Variants in STX6 observed in about 807,000 individuals in gnomAD.
The protein encoded by STX6 is syntaxin-6.
In STX6, 23 loss-of-function variants were observed where a neutral mutation model predicts 38.0. The observed-to-expected ratio is 0.60, with a 90% CI of 0.43 to 0.86. The LOEUF (loss-of-function observed/expected upper bound fraction) is 0.86. Ranked by LOEUF, STX6 falls within the 40% of genes least tolerant of loss-of-function variation. The probability of loss-of-function intolerance (pLI) is 0.00; values close to 1 mark genes in which losing one functional copy is unlikely to be tolerated. For synonymous variants in STX6, 123 were observed against 107.5 expected (o/e 1.14, Z -0.89); for missense variants, 274 against 312.9 (o/e 0.88, Z 0.94).
At position 181,002,685 on chromosome 1, in the gene STX6, T is replaced by C. The variant is rs771609254; in HGVS notation, c.221A>G (p.Asn74Ser). The change falls in exon 3 of 8, where the codon AAT (asparagine) becomes AGT (serine). Residue 74 changes from asparagine to serine, a missense_variant. Coordinates refer to ENST00000258301, the MANE Select transcript of STX6 (RefSeq NM_005819.6). ...TGCATCAAGGTTAAATTTTCTAGGATTTGCTTCAACTATGCGTAGGTCAAA... is the reference window on the plus strand; with the variant it reads ...TGCATCAAGGTTAAATTTTCTAGGACTTGCTTCAACTATGCGTAGGTCAAA... The part of the protein sequence containing the change: ...LDETISIVEA[N>S]PRKFNLDATE... 1 of 1,613,394 alleles carries C rather than the reference T, an allele frequency of 6.2e-7. No homozygotes were observed. Among genetic ancestry groups the C allele is most frequent in the Non-Finnish European group, 8.5e-7 (1 of 1,179,474 alleles).
At chr1:180,979,882 T>C (rs1655352387) in intron 7 of STX6, among the ~76,000 whole-genome samples, 1 of 152,100 alleles carries the variant, frequency 6.6e-6, no homozygotes, top group African/African-American at 2.4e-5. Flanking sequence ...ATTTTAAAAA[T>C]GGGCAAAAGA....
chr1:180,995,318 T>C (rs754575122), intron 3 of STX6, among the ~76,000 whole-genome samples: 6 of 152,156 alleles, frequency 3.9e-5, no homozygotes, highest in Non-Finnish European at 8.8e-5. Context: ...GAAGTCAGAC[T>C]CTTGACGGCA....
intron 7 of STX6, among the ~76,000 whole-genome samples, chr1:180,980,171 C>T (rs1046339448): frequency 3.6e-5 from 5 of 139,066 alleles, no homozygotes; most frequent in Non-Finnish European, 7.6e-5. Flanking sequence ...CGCACCTCTG[C>T]ACTCTAGCAT....
At chr1:181,000,913 G>A (rs565139567) in intron 3 of STX6, among the ~76,000 whole-genome samples, 22 of 151,422 alleles carry the variant, frequency 1.5e-4, no homozygotes, top group African/African-American at 5.1e-4. Flanking sequence ...AAATAATTGG[G>A]GATTTACTTA....
chr1:180,984,113 G>A (rs1235526407), intron 7 of STX6, among the ~76,000 whole-genome samples: 5 of 141,334 alleles, frequency 3.5e-5, no homozygotes, highest in African/African-American at 1.3e-4. Context: ...GACTCTACTG[G>A]GAAAAAAACC....
Position 180,976,525 on chromosome 1 carries a change from C to A in STX6, c.*45G>T. 6.5e-7 allele frequency: 1 copy of A among 1,535,534 alleles called. No homozygotes were observed. Among genetic ancestry groups the A allele is most frequent in the South Asian group, 1.1e-5 (1 of 89,478 alleles). On this transcript the variant is annotated 3_prime_UTR_variant, in exon 8 of 8. Transcript: ENST00000258301. ...ACACGTGCTCAGCTTCTCCTCCTCC[C>A]CTCGGTTCATATGCAGGAGGAACTC...
At chr1:180,988,596 A>G in intron 5 of STX6, 1 of 381,524 alleles carries the variant, frequency 2.6e-6, no homozygotes, top group South Asian at 2.6e-5. Context: ...ACCAAGAGAG[A>G]TTTACTCTGG....
At position 180,973,717 on chromosome 1, in the gene STX6, G is replaced by C. The variant is rs1449952950; in HGVS notation, c.*2853C>G. On this transcript the variant is annotated 3_prime_UTR_variant, in exon 8 of 8. Transcript: ENST00000258301. ...ATATAGAGCATTGTGATTCTTCACAGTCCGCAGAGACAAGACCAAAAATGA... is the reference window on the plus strand; with the variant it reads ...ATATAGAGCATTGTGATTCTTCACACTCCGCAGAGACAAGACCAAAAATGA... The C allele has an allele frequency of 2.6e-5, 4 of 152,654 alleles. No homozygotes were observed. Among genetic ancestry groups the C allele is most frequent in the Non-Finnish European group, 1.5e-5 (1 of 68,044 alleles). The allele number at this position is 152,654 out of a possible 1,614,324, so 9.5% of individuals were successfully genotyped here. A position where few individuals can be genotyped will look rare whatever the true frequency, so the allele number is the denominator to read the frequency against.
intron 2 of STX6, among the ~76,000 whole-genome samples, chr1:181,004,095 C>T (rs1007205548): frequency 6.6e-6 from 1 of 152,210 alleles, no homozygotes; most frequent in Non-Finnish European, 1.5e-5. Flanking sequence ...AACTCTTTAC[C>T]TGTATAATCC....
intron 2 of STX6, among the ~76,000 whole-genome samples, chr1:181,002,902 ATCT>A: frequency 6.6e-6 from 1 of 152,310 alleles, no homozygotes; most frequent in South Asian, 2.1e-4. Flanking sequence ...GACAGAGATG[ATCT>A]GTCTGGTTAG....
intron 7 of STX6, among the ~76,000 whole-genome samples, chr1:180,984,425 A>T (rs1231951862): frequency 6.6e-6 from 1 of 152,136 alleles, no homozygotes; most frequent in East Asian, 1.9e-4. Flanking sequence ...ACGCACCTGT[A>T]ATCCCAGCTA....
chr1:180,979,314 C>T (rs1040047320), intron 7 of STX6, among the ~76,000 whole-genome samples: 16 of 152,134 alleles, frequency 1.1e-4, no homozygotes, highest in African/African-American at 3.6e-4. Flanking sequence ...CTTACCATAA[C>T]ATCAATCAAG....
chr1:181,002,774 T>G, intron 2 of STX6, 74 bp from the exon 3 acceptor site: 1 of 990,068 alleles, frequency 1.0e-6, no homozygotes, highest in Non-Finnish European at 1.6e-6. Context: ...ACTGAATCTC[T>G]CACATGCAAA....
intron 4 of STX6, among the ~76,000 whole-genome samples, chr1:180,992,997 C>T (rs1280457805): frequency 6.6e-6 from 1 of 152,132 alleles, no homozygotes; most frequent in African/African-American, 2.4e-5. Flanking sequence ...TGGAGCCCAG[C>T]AGAGAGAAAG....
chr1:181,006,219 C>T (rs534076195), intron 1 of STX6, among the ~76,000 whole-genome samples: 8 of 151,986 alleles, frequency 5.3e-5, no homozygotes, highest in East Asian at 1.9e-4. Flanking sequence ...CCCGCCACCA[C>T]GCCTGGCTAA....
At chr1:180,976,941 T>G (rs1447928299) in intron 7 of STX6, among the ~76,000 whole-genome samples, 3 of 152,244 alleles carry the variant, frequency 2.0e-5, no homozygotes, top group African/African-American at 4.8e-5. Flanking sequence ...CTGCTGGTAG[T>G]TAGCATATCC....
intron 6 of STX6, among the ~76,000 whole-genome samples, chr1:180,986,389 T>C (rs189948545): frequency 8.8e-4 from 134 of 152,386 alleles, no homozygotes; most frequent in African/African-American, 3.2e-3. Context: ...TTTTTCTATA[T>C]GAAGTCTTCA....
At chr1:180,979,489 T>C (rs1446772701) in intron 7 of STX6, among the ~76,000 whole-genome samples, 2 of 152,160 alleles carry the variant, frequency 1.3e-5, no homozygotes, top group African/African-American at 4.8e-5. Flanking sequence ...TGGACATCCA[T>C]GCCAAAAAAA....
chr1:181,000,496 A>G (rs1045435242), intron 3 of STX6, among the ~76,000 whole-genome samples: 5 of 152,158 alleles, frequency 3.3e-5, no homozygotes, highest in African/African-American at 1.2e-4. Flanking sequence ...ACTCACTATC[A>G]TGAGAACAGC....
Sources: allele counts gnomAD v4.1 joint callset (sites outside exome capture counted in the v4.1 genomes callset), GRCh38; gene constraint gnomAD v4.1.1; transcripts MANE v1.5; gene names NCBI Gene and HGNC (gene_info 2026-07-23, HGNC 2026-07-21).